The following LRRC66 variants were observed in gnomAD, a reference collection of about 807,000 sequenced individuals.
LRRC66 encodes the protein leucine rich repeat containing 66.
A neutral mutation model predicts 24.6 loss-of-function variants in LRRC66; 29 were observed. The observed-to-expected ratio is 1.18, with a 90% CI of 0.88 to 1.61. The LOEUF (loss-of-function observed/expected upper bound fraction) is 1.61, where lower values mean the gene tolerates loss of function less well. Ranked by LOEUF, LRRC66 falls within the 40% of genes most tolerant of loss-of-function variation. The pLI is 0.00. For synonymous variants in LRRC66, 411 were observed against 397.6 expected (o/e 1.03, Z -0.40); for missense variants, 1,124 against 1,058.0 (o/e 1.06, Z -0.87).
intron 3 of LRRC66, among the ~76,000 whole-genome samples, chr4:52,001,692 C>T (rs1238833834): frequency 2.6e-5 from 4 of 152,108 alleles, no homozygotes; most frequent in South Asian, 4.1e-4. Flanking sequence ...GGAAAGTGGC[C>T]GAGGCTAGGT....
At chr4:52,003,038 T>G (rs1221238845) in intron 3 of LRRC66, among the ~76,000 whole-genome samples, 185 bp downstream of exon 3, 1 of 152,248 alleles carries the variant, frequency 6.6e-6, no homozygotes, top group African/African-American at 2.4e-5. Context: ...TCCCTTATTG[T>G]GGCCTTTGAT....
At chr4:52,000,953 G>A (rs760598251) in intron 3 of LRRC66, among the ~76,000 whole-genome samples, 4 of 152,188 alleles carry the variant, frequency 2.6e-5, no homozygotes, top group African/African-American at 7.2e-5. Context: ...AATGTATTAT[G>A]CAGCAACAGA....
In LRRC66 at chr4:51,994,636, T is replaced by G. The variant is rs1281640041; in HGVS notation, c.2386A>C (p.Thr796Pro). Residue 796 changes from threonine to proline, a missense_variant, in exon 5 of 5, where the codon ACT (threonine) becomes CCT (proline). By Grantham distance (38) the Thr-to-Pro change is conservative. Transcript: ENST00000682860. ...GGTGACAGGCCCTCAGATCTATCAGTGTCAGAGGCATTTTCCAGATGAGTC... is the reference window on the plus strand; with the variant it reads ...GGTGACAGGCCCTCAGATCTATCAGGGTCAGAGGCATTTTCCAGATGAGTC... ...YKTHLENASD[T>P]DRSEGLSPWP... 1 of 1,607,504 alleles carries G rather than the reference T, an allele frequency of 6.2e-7. No individual in the cohort carries two copies. Among genetic ancestry groups the G allele is most frequent in the South Asian group, 1.1e-5 (1 of 90,266 alleles).
At chr4:52,003,504 T>G in intron 2 of LRRC66, 112 bp from the exon 3 acceptor site, 1 of 805,362 alleles carries the variant, frequency 1.2e-6, no homozygotes, top group Non-Finnish European at 2.0e-6. Flanking sequence ...TGAGGTATTG[T>G]TAAACAACGT....
At chr4:52,018,459 G>A in intron 1 of LRRC66, 2 of 985,316 alleles carry the variant, frequency 2.0e-6, no homozygotes, top group African/African-American at 1.7e-5. Flanking sequence ...TCACATTATT[G>A]AGTATATGAG....
At chr4:52,015,702 G>GAT (rs781375986) in intron 2 of LRRC66, among the ~76,000 whole-genome samples, 6 of 152,088 alleles carry the variant, frequency 3.9e-5, no homozygotes, top group Non-Finnish European at 7.4e-5. Context: ...ATATTATATG[G>GAT]ATATATGTAG....
chr4:52,013,006 G>A (rs550230272), intron 2 of LRRC66, among the ~76,000 whole-genome samples: 2 of 152,304 alleles, frequency 1.3e-5, no homozygotes, highest in Non-Finnish European at 2.9e-5. Flanking sequence ...GAGCAATTAA[G>A]AATTGGAATA....
intron 1 of LRRC66, among the ~76,000 whole-genome samples, chr4:52,019,749 A>G (rs1042836236): frequency 1.3e-5 from 2 of 152,200 alleles, no homozygotes; most frequent in African/African-American, 4.8e-5. Flanking sequence ...AATCAGCAAC[A>G]AAAAAATATA....
chr4:51,999,051 TTGGTGCC>T (rs1287271152), intron 3 of LRRC66, among the ~76,000 whole-genome samples: 1 of 152,144 alleles, frequency 6.6e-6, no homozygotes, highest in Non-Finnish European at 1.5e-5. Context: ...ACATACCCTC[TTGGTGCC>T]TGAGCCCCTG....
At chr4:52,011,739 T>C (rs775769318) in intron 2 of LRRC66, among the ~76,000 whole-genome samples, 1 of 152,204 alleles carries the variant, frequency 6.6e-6, no homozygotes, top group Non-Finnish European at 1.5e-5. Context: ...TGTGTTATAG[T>C]CTTGATGCAC....
intron 2 of LRRC66, among the ~76,000 whole-genome samples, chr4:52,010,923 A>G (rs960018269): frequency 6.6e-6 from 1 of 152,238 alleles, no homozygotes; most frequent in Middle Eastern, 3.2e-3. Context: ...ATTATGCTGA[A>G]AAAAGACGTT....
At chr4:52,010,349 G>A (rs1379816930) in intron 2 of LRRC66, among the ~76,000 whole-genome samples, 2 of 152,056 alleles carry the variant, frequency 1.3e-5, no homozygotes, top group Non-Finnish European at 2.9e-5. Context: ...TTATTTGCGA[G>A]TACATGTGCA....
intron 3 of LRRC66, among the ~76,000 whole-genome samples, chr4:51,999,105 C>T (rs1471824750): frequency 6.6e-6 from 1 of 152,066 alleles, no homozygotes; most frequent in Non-Finnish European, 1.5e-5. Flanking sequence ...GCTGAGGAGG[C>T]CTGGGGCAGA....
At position 51,995,164 on chromosome 4, in the gene LRRC66, A is replaced by G. The variant is rs1736266603; in HGVS notation, c.1858T>C (p.Phe620Leu). ...GAACTCACTTGCCTTTCCTTAGAAA[A>G]TTCCATCTGCGAGTCCCAAAGTGAC... is the stretch of plus-strand genomic sequence containing the variant. ...EQSLWDSQME[F>L]SKERQVSSSI... Residue 620 changes from phenylalanine to leucine, a missense_variant, in exon 5 of 5, where the codon TTT becomes CTT. By Grantham distance (22) the Phe-to-Leu change is conservative (BLOSUM62 0). Coordinates refer to ENST00000682860, the MANE Select transcript of LRRC66 (RefSeq NM_001024611.3). 1.2e-6 allele frequency: 2 copies of G among 1,614,072 alleles called. No homozygotes were observed. Among genetic ancestry groups the G allele is most frequent in the South Asian group, 2.2e-5 (2 of 91,092 alleles).
intron 4 of LRRC66, 25 bp from the exon 5 acceptor site, chr4:51,996,190 A>G: frequency 6.6e-7 from 1 of 1,520,266 alleles, no homozygotes; most frequent in South Asian, 1.3e-5. Context: ...AAAAAAATAC[A>G]CATTGAGCGA....
chr4:52,006,851 G>T (rs950098911), intron 2 of LRRC66, among the ~76,000 whole-genome samples: 5 of 151,630 alleles, frequency 3.3e-5, no homozygotes, highest in Non-Finnish European at 7.4e-5. Context: ...TCTTCAAAAA[G>T]CCTGAGGAGT....
At chr4:52,019,374 C>G (rs1736893257) in intron 1 of LRRC66, among the ~76,000 whole-genome samples, 1 of 151,756 alleles carries the variant, frequency 6.6e-6, no homozygotes, top group African/African-American at 2.4e-5. Flanking sequence ...AAAAAAGGAA[C>G]ATTATCTATC....
chr4:51,997,818 C>A lies in LRRC66; in HGVS notation c.786G>T (p.Val262=), dbSNP rs763670464. 5 of 1,614,026 alleles carry A rather than the reference C, an allele frequency of 3.1e-6. No individual in the cohort carries two copies. Among genetic ancestry groups the A allele is most frequent in the Non-Finnish European group, 4.2e-6 (5 of 1,179,988 alleles). Residue 262 remains valine (V), a synonymous_variant, in exon 4 of 5, where the codon GTG becomes GTT. Transcript: ENST00000682860. Reference sequence around the variant, plus strand: ...CAGAAATAAAATTTTGAAAGACTGCCACACTATCATCACACTGCCAGTTAT... The same window carrying A: ...CAGAAATAAAATTTTGAAAGACTGCAACACTATCATCACACTGCCAGTTAT... ...ADNNWQCDDS[V]AVFQNFISES... is the part of the protein sequence containing the mutation.
In LRRC66 at chr4:52,003,501, T is replaced by C. The variant is rs531999878; in HGVS notation, c.497-109A>G. ...ACATTAAGAGTTCTCAATTGAGGTA[T>C]TGTTAAACAACGTATGGTATATTAA... is the stretch of plus-strand genomic sequence containing the variant. On this transcript the variant is annotated intron_variant, in intron 2 of 4. Coordinates refer to ENST00000682860, the MANE Select transcript of LRRC66 (RefSeq NM_001024611.3). 43 of 866,002 alleles carry C rather than the reference T, an allele frequency of 5.0e-5. No individual in the cohort carries two copies. The East Asian group carries it at 5.8e-4, about 12-fold the overall frequency. The allele number at this position is 866,002 out of a possible 1,614,324, so 53.6% of individuals were successfully genotyped here. A position where few individuals can be genotyped will look rare whatever the true frequency, so the allele number is the denominator to read the frequency against.
Sources: allele counts gnomAD v4.1 joint callset (sites outside exome capture counted in the v4.1 genomes callset), GRCh38; gene constraint gnomAD v4.1.1; transcripts MANE v1.5; gene names NCBI Gene and HGNC (gene_info 2026-07-23, HGNC 2026-07-21).